The following CTNNA2 variants were observed in gnomAD, a reference collection of about 807,000 sequenced individuals.
CTNNA2 encodes the protein catenin alpha-2.
In CTNNA2, 42 loss-of-function variants were observed where a neutral mutation model predicts 101.0. That is an observed-to-expected ratio of 0.42 (90% CI 0.32 to 0.54). The LOEUF (loss-of-function observed/expected upper bound fraction) is 0.54. CTNNA2 is among the 20% of genes least tolerant of loss of function. The pLI, the probability that CTNNA2 is intolerant of heterozygous loss-of-function variation, is 0.14. For synonymous variants in CTNNA2, 450 were observed against 456.4 expected, an observed-to-expected ratio of 0.99 and a Z score of 0.18; for missense variants, 871 against 1,223.1, an observed-to-expected ratio of 0.71 and a Z score of 4.29.
At chr2:80,390,306 T>C (rs540499833) in intron 7 of CTNNA2, among the ~76,000 whole-genome samples, 1 of 152,348 alleles carries the variant, frequency 6.6e-6, no homozygotes, top group South Asian at 2.1e-4. Flanking sequence ...GTTTTTGGTA[T>C]TGTTCTGGTC....
chr2:79,660,017 G>A (rs1208783558), intron 2 of CTNNA2, among the ~76,000 whole-genome samples: 1 of 151,808 alleles, frequency 6.6e-6, no homozygotes, highest in East Asian at 1.9e-4. Context: ...ATAAAACTTG[G>A]GGGTGAATGA....
intron 9 of CTNNA2, among the ~76,000 whole-genome samples, chr2:80,445,339 G>T (rs1380319545): frequency 6.6e-6 from 1 of 151,832 alleles, no homozygotes; most frequent in Non-Finnish European, 1.5e-5. Context: ...GCACCACCAT[G>T]CCTGGCTAAG....
chr2:80,148,568 A>C (rs1397488354), intron 7 of CTNNA2, among the ~76,000 whole-genome samples: 1 of 152,216 alleles, frequency 6.6e-6, no homozygotes, highest in African/African-American at 2.4e-5. Flanking sequence ...GGGCCTTACC[A>C]CCAAGGCCAC....
intron 1 of CTNNA2, among the ~76,000 whole-genome samples, chr2:79,595,563 G>A (rs1354658068): frequency 9.9e-5 from 15 of 152,066 alleles, no homozygotes; most frequent in Admixed American, 9.8e-4. Flanking sequence ...CGAAAACCAG[G>A]TAGTTATCTT....
In CTNNA2 at chr2:80,303,435, G is replaced by T; in HGVS notation, c.1057-89776G>T. Reference sequence around the variant, plus strand: ...GGCATGGGCCGGAAGGTGGTGTTGGGCAGTTGGGTGATCTGGTTGGAACTC... The same window carrying T: ...GGCATGGGCCGGAAGGTGGTGTTGGTCAGTTGGGTGATCTGGTTGGAACTC... On this transcript the variant is annotated intron_variant, in intron 7 of 18. Transcript: ENST00000402739. This position sits in a 1 kb window ranked among gnomAD's most constrained non-coding sequence, Gnocchi z 7.7. The T allele has an allele frequency of 6.2e-7, 1 of 1,614,222 alleles. No individual in the cohort carries two copies. The highest frequency in any genetic ancestry group is 1.1e-5 in the South Asian group (1 of 91,088).
At chr2:80,270,780 A>T (rs910426104) in intron 7 of CTNNA2, among the ~76,000 whole-genome samples, 1 of 152,226 alleles carries the variant, frequency 6.6e-6, no homozygotes, top group African/African-American at 2.4e-5. Context: ...TAAAGAAAAT[A>T]TAATTTATAA....
chr2:79,722,200 A>G (rs1686531193), intron 2 of CTNNA2, among the ~76,000 whole-genome samples: 2 of 152,216 alleles, frequency 1.3e-5, no homozygotes, highest in South Asian at 4.1e-4. Context: ...ATGATGAGCA[A>G]CATAGGCATG....
intron 3 of CTNNA2, among the ~76,000 whole-genome samples, chr2:79,746,138 A>C (rs982255435): frequency 6.6e-6 from 1 of 152,172 alleles, no homozygotes; most frequent in Admixed American, 6.5e-5. Context: ...GATTTGATTT[A>C]TATTTTCCTA....
chr2:79,763,736 CG>C (rs1276019998), intron 3 of CTNNA2, among the ~76,000 whole-genome samples: 1 of 152,084 alleles, frequency 6.6e-6, no homozygotes, highest in African/African-American at 2.4e-5. Context: ...AGGAACTTGA[CG>C]GTTGCATTGT....
intron 2 of CTNNA2, among the ~76,000 whole-genome samples, chr2:79,688,612 C>A (rs992318054): frequency 1.3e-5 from 2 of 151,864 alleles, no homozygotes; most frequent in African/African-American, 4.8e-5. Flanking sequence ...CCAAGAATAA[C>A]CAAATCTTAA....
intron 1 of CTNNA2, among the ~76,000 whole-genome samples, chr2:79,603,014 G>T (rs572554043): frequency 6.6e-6 from 1 of 152,022 alleles, no homozygotes; most frequent in Non-Finnish European, 1.5e-5. Flanking sequence ...TACTTTTCTC[G>T]TAAGGAGGCT....
chr2:79,751,894 T>TGAG (rs1672071839), intron 3 of CTNNA2, among the ~76,000 whole-genome samples: 2 of 152,136 alleles, frequency 1.3e-5, no homozygotes, highest in East Asian at 3.9e-4. Flanking sequence ...GGTCCAGGAT[T>TGAG]GAGGAGGTGG....
chr2:80,279,762 T>A (rs1391779513), intron 7 of CTNNA2, among the ~76,000 whole-genome samples: 5 of 152,172 alleles, frequency 3.3e-5, no homozygotes, highest in African/African-American at 1.2e-4. Context: ...GAGGCAGTGG[T>A]CAATGCATGG....
chr2:79,226,301 A>T (rs1482751786), intron 2 of CTNNA2, among the ~76,000 whole-genome samples: 3 of 151,950 alleles, frequency 2.0e-5, no homozygotes, highest in Non-Finnish European at 4.4e-5. Flanking sequence ...AGTTAATTAG[A>T]CTCTCTAAAC....
At chr2:80,339,166 T>A (rs757585351) in intron 7 of CTNNA2, among the ~76,000 whole-genome samples, 1 of 152,038 alleles carries the variant, frequency 6.6e-6, no homozygotes, top group East Asian at 1.9e-4. Flanking sequence ...CTTTCACTAA[T>A]AATATAACGT....
At chr2:80,243,884 T>C (rs1671129497) in intron 7 of CTNNA2, among the ~76,000 whole-genome samples, 1 of 152,170 alleles carries the variant, frequency 6.6e-6, no homozygotes, top group Non-Finnish European at 1.5e-5. Flanking sequence ...GCTGTACCAT[T>C]TTATATTCCC....
chr2:79,435,760 A>G (rs1247210929), intron 4 of CTNNA2, among the ~76,000 whole-genome samples: 1 of 152,168 alleles, frequency 6.6e-6, no homozygotes, highest in East Asian at 1.9e-4. Context: ...GAGGGTAGGC[A>G]GCAGTGACGG....
intron 4 of CTNNA2, among the ~76,000 whole-genome samples, chr2:79,427,159 C>G (rs923275207): frequency 1.3e-5 from 2 of 151,774 alleles, no homozygotes; most frequent in Non-Finnish European, 2.9e-5. Context: ...ATGAACAACA[C>G]AATGTCATAT....
chr2:79,610,367 A>T (rs1334856771), intron 1 of CTNNA2, among the ~76,000 whole-genome samples: 1 of 152,160 alleles, frequency 6.6e-6, no homozygotes, highest in East Asian at 1.9e-4. Context: ...TTCCACTTTC[A>T]TAAAAAGTTA....
Sources: allele counts gnomAD v4.1 joint callset (sites outside exome capture counted in the v4.1 genomes callset), GRCh38; gene constraint gnomAD v4.1.1; non-coding constraint Gnocchi (gnomAD v3.1); transcripts MANE v1.5; gene names NCBI Gene and HGNC (gene_info 2026-07-23, HGNC 2026-07-21).